Variants in NAP1L2 observed in about 807,000 individuals in gnomAD.
NAP1L2 encodes the protein nucleosome assembly protein 1-like 2.
For missense variants in NAP1L2, 376 were observed against 338.5 expected (o/e 1.11, Z -0.87); for synonymous variants, 165 against 126.0 (o/e 1.31, Z -2.07).
At position 73,213,602 on chromosome X, in the gene NAP1L2, G is replaced by A; in HGVS notation, c.891C>T (p.Phe297=). ...AGGTCTTTGTCAACAACTCATTTTT[G>A]AAATATTCATTGGGTTTGAAGTGAA... The part of the protein sequence containing the change: ...LEFHFKPNEY[F]KNELLTKTYV... The change falls in exon 1 of 1, where the codon TTC becomes TTT. Residue 297 remains phenylalanine (F), a synonymous_variant. Coordinates refer to ENST00000373517, the MANE Select transcript of NAP1L2 (RefSeq NM_021963.4). 8.3e-7 allele frequency: 1 copy of A among 1,211,057 alleles called. No homozygotes were observed. The highest frequency in any genetic ancestry group is 1.1e-6 in the Non-Finnish European group (1 of 895,283).
chrX:73,213,005 A>G lies in NAP1L2; in HGVS notation c.*105T>C. 5 of 777,697 alleles carry G rather than the reference A, an allele frequency of 6.4e-6. No homozygotes were observed. Among genetic ancestry groups the G allele is most frequent in the Non-Finnish European group, 8.9e-6 (5 of 559,656 alleles). The allele number at this position is 777,697 out of a possible 1,213,427, so 64.1% of individuals were successfully genotyped here. On this transcript the variant is annotated 3_prime_UTR_variant, in exon 1 of 1. Coordinates refer to ENST00000373517, the MANE Select transcript of NAP1L2 (RefSeq NM_021963.4). ...TGAACTTTTCTTATATTTTTGAAAC[A>G]TATGTTTTAACTAACACTACAAGAA...
rs2056136822 is a variant in NAP1L2, at chrX:73,212,855, T to C, written c.*255A>G. The C allele has an allele frequency of 3.5e-6, 1 of 282,512 alleles. No homozygotes were observed. Among genetic ancestry groups the C allele is most frequent in the Non-Finnish European group, 6.2e-6 (1 of 161,084 alleles). The allele number at this position is 282,512 out of a possible 1,213,427, so 23.3% of individuals were successfully genotyped here. A position where few individuals can be genotyped will look rare whatever the true frequency, so the allele number is the denominator to read the frequency against. On this transcript the variant is annotated 3_prime_UTR_variant, in exon 1 of 1. Coordinates refer to ENST00000373517, the MANE Select transcript of NAP1L2 (RefSeq NM_021963.4). ...TCATAGCCACAGATTAATAGCTACATGACAAAAAGACTTCAGAAGGATTAA... is the reference window on the plus strand; with the variant it reads ...TCATAGCCACAGATTAATAGCTACACGACAAAAAGACTTCAGAAGGATTAA...
At position 73,213,803 on chromosome X, in the gene NAP1L2, C is replaced by T; in HGVS notation, c.690G>A (p.Glu230=). ...EEDDIEATGE[E]NKEEEDPKGI... is the part of the protein sequence containing the mutation. ...CCTTAGGATCCTCCTCTTCTTTATT[C>T]TCTTCTCCAGTAGCCTCAATGTCGT... is the stretch of plus-strand genomic sequence containing the variant. Residue 230 remains glutamate, a synonymous_variant, in exon 1 of 1, where the codon GAG becomes GAA. Coordinates refer to ENST00000373517, the MANE Select transcript of NAP1L2 (RefSeq NM_021963.4). The T allele has an allele frequency of 8.3e-7, 1 of 1,210,970 alleles. No homozygotes were observed. The highest frequency in any genetic ancestry group is 1.1e-6 in the Non-Finnish European group (1 of 895,354).
In NAP1L2 at chrX:73,212,455, G is replaced by A. The variant is rs991634991; in HGVS notation, c.*655C>T. ...TAATTATGGCTTACACAATTACACA[G>A]AACAATATGTGCAAACTTTTGAAAA... is the stretch of plus-strand genomic sequence containing the variant. On this transcript the variant is annotated 3_prime_UTR_variant, in exon 1 of 1. Transcript: ENST00000373517. 1.8e-5 allele frequency: 2 copies of A among 111,841 alleles called. No homozygotes were observed. Among genetic ancestry groups the A allele is most frequent in the Non-Finnish European group, 3.8e-5 (2 of 53,100 alleles). 9.2% of individuals were successfully genotyped at this position (111,841 alleles called of 1,213,427 possible). A position where few individuals can be genotyped will look rare whatever the true frequency, so the allele number is the denominator to read the frequency against.
chrX:73,213,312 T>C lies in NAP1L2; in HGVS notation c.1181A>G (p.His394Arg), dbSNP rs1275524608. The stretch of plus-strand genomic sequence containing the variant: ...TGGAATTATGTAAGTACGTAAATTG[T>C]GACCAAGTAAAAAATCATCATTTCC... ...RDGNDDFLLG[H>R]NLRTYIIPRS... The change falls in exon 1 of 1, where the codon CAC (histidine) becomes CGC (arginine). Residue 394 changes from histidine (H) to arginine (R), a missense_variant. Coordinates refer to ENST00000373517, the MANE Select transcript of NAP1L2 (RefSeq NM_021963.4). 3.3e-6 allele frequency: 4 copies of C among 1,211,449 alleles called. No individual in the cohort carries two copies. The highest frequency in any genetic ancestry group is 4.5e-6 in the Non-Finnish European group (4 of 894,966).
rs1301257621 is a variant in NAP1L2 at position 73,213,389 on chromosome X, A to T, written c.1104T>A (p.Asp368Glu). 12 of 1,210,277 alleles carry T rather than the reference A, an allele frequency of 9.9e-6. No homozygotes were observed. Among genetic ancestry groups the T allele is most frequent in the Non-Finnish European group, 1.3e-5 (12 of 895,296 alleles). The change falls in exon 1 of 1, where the codon GAT (aspartate) becomes GAA (glutamate). Residue 368 changes from aspartate (D) to glutamate (E), a missense_variant. Transcript: ENST00000373517. Reference protein sequence around the residue: ...IRTVTEDFPKDSFFNFFSPHG... With the variant: ...IRTVTEDFPKESFFNFFSPHG... ...GAGGAGAGAAAAAATTGAAAAATGA[A>T]TCCTTGGGAAAATCTTCAGTTACAG...
In NAP1L2 at chrX:73,214,752, CCG is replaced by C; in HGVS notation, c.-262_-261del. 1 of 333,414 alleles carries C rather than the reference CCG, an allele frequency of 3.0e-6. No homozygotes were observed. The allele number at this position is 333,414 out of a possible 1,213,427, so 27.5% of individuals were successfully genotyped here. On this transcript the variant is annotated 5_prime_UTR_variant, in exon 1 of 1. Coordinates refer to ENST00000373517, the MANE Select transcript of NAP1L2 (RefSeq NM_021963.4). ...CGTTGACCGATCCTGCAGGAGAGAG[CCG>C]GAGACTGCAGAGAGCTGCAGTGGGC...
At position 73,214,625 on chromosome X, in the gene NAP1L2, C is replaced by T. The variant is rs1160397380; in HGVS notation, c.-133G>A. On this transcript the variant is annotated 5_prime_UTR_variant, in exon 1 of 1. Coordinates refer to ENST00000373517, the MANE Select transcript of NAP1L2 (RefSeq NM_021963.4). Reference sequence around the variant, plus strand: ...AGCAGTGGCGTCCGGACTGAGGGAACGACGATCCAGGCTGCTCGGGGATAA... The same window carrying T: ...AGCAGTGGCGTCCGGACTGAGGGAATGACGATCCAGGCTGCTCGGGGATAA... The T allele has an allele frequency of 2.9e-6, 2 of 699,115 alleles. No individual in the cohort carries two copies. The highest frequency in any genetic ancestry group is 4.3e-6 in the Non-Finnish European group (2 of 470,369). The allele number at this position is 699,115 out of a possible 1,213,427, so 57.6% of individuals were successfully genotyped here. A position where few individuals can be genotyped will look rare whatever the true frequency, so the allele number is the denominator to read the frequency against.
Position 73,214,719 on chromosome X carries a change from G to A in NAP1L2, c.-227C>T, listed in dbSNP as rs756741220. 29 of 391,648 alleles carry A rather than the reference G, an allele frequency of 7.4e-5. No homozygotes were observed. The highest frequency in any genetic ancestry group is 1.2e-4 in the Non-Finnish European group (26 of 221,231). The allele number at this position is 391,648 out of a possible 1,213,427, so 32.3% of individuals were successfully genotyped here. On this transcript the variant is annotated 5_prime_UTR_variant, in exon 1 of 1. Coordinates refer to ENST00000373517, the MANE Select transcript of NAP1L2 (RefSeq NM_021963.4). ...ACCTGGGCTGGGTGCAGAGGGCGGC[G>A]ACGGCTGCGTTGACCGATCCTGCAG...
Position 73,213,307 on chromosome X carries a change from A to C in NAP1L2, c.1186T>G (p.Leu396Val). 1 of 1,211,171 alleles carries C rather than the reference A, an allele frequency of 8.3e-7. No homozygotes were observed. Among genetic ancestry groups the C allele is most frequent in the Non-Finnish European group, 1.1e-6 (1 of 894,759 alleles). ...GATCTTGGAATTATGTAAGTACGTA[A>C]ATTGTGACCAAGTAAAAAATCATCA... ...GNDDFLLGHN[L>V]RTYIIPRSVL... The change falls in exon 1 of 1, where the codon TTA becomes GTA. Residue 396 changes from leucine (L) to valine (V), a missense_variant. By Grantham distance (32) the Leu-to-Val change is conservative (BLOSUM62 1). Transcript: ENST00000373517.
chrX:73,214,411 C>T lies in NAP1L2; in HGVS notation c.82G>A (p.Gly28Arg). 3 of 1,211,395 alleles carry T rather than the reference C, an allele frequency of 2.5e-6. No homozygotes were observed. The highest frequency in any genetic ancestry group is 3.5e-5 in the South Asian group (2 of 56,912). Residue 28 changes from glycine (G) to arginine (R), a missense_variant, in exon 1 of 1, where the codon GGG becomes AGG. Gly to Arg is a moderately radical substitution (Grantham distance 125). Transcript: ENST00000373517. The part of the protein sequence containing the change: ...AGNQIMVEGL[G>R]EHLERGEDAA... ...TCTTCACCGCGCTCCAGATGTTCCCCGAGCCCTTCCACCATTATCTGATTA... is the reference window on the plus strand; with the variant it reads ...TCTTCACCGCGCTCCAGATGTTCCCTGAGCCCTTCCACCATTATCTGATTA...
In NAP1L2 at chrX:73,213,479, T is replaced by C; in HGVS notation, c.1014A>G (p.Gly338=). Residue 338 remains glycine (G), a synonymous_variant, in exon 1 of 1, where the codon GGA becomes GGG. Coordinates refer to ENST00000373517, the MANE Select transcript of NAP1L2 (RefSeq NM_021963.4). ...STGCEIDWNE[G]KNVTLKTIKK... ...TGATGGTTTTCAAAGTGACATTCTT[T>C]CCTTCATTCCAATCTATCTCACAGC... The C allele has an allele frequency of 8.3e-7, 1 of 1,211,868 alleles. No homozygotes were observed. Among genetic ancestry groups the C allele is most frequent in the Non-Finnish European group, 1.1e-6 (1 of 895,469 alleles).
chrX:73,214,336 C>T lies in NAP1L2; in HGVS notation c.157G>A (p.Ala53Thr), dbSNP rs759636463. The T allele has an allele frequency of 8.3e-7, 1 of 1,211,253 alleles. No individual in the cohort carries two copies. The highest frequency in any genetic ancestry group is 1.8e-5 in the South Asian group (1 of 56,898). ...DDGKCGEEAA[A>T]GLGEEGENGE... is the part of the protein sequence containing the mutation. Reference sequence around the variant, plus strand: ...TTTTCCCCTTCTTCCCCAAGCCCAGCGGCAGCTTCTTCACCGCACTTCCCA... The same window carrying T: ...TTTTCCCCTTCTTCCCCAAGCCCAGTGGCAGCTTCTTCACCGCACTTCCCA... Residue 53 changes from alanine to threonine, a missense_variant, in exon 1 of 1, where the codon GCT (alanine) becomes ACT (threonine). Transcript: ENST00000373517.
rs2056149198 is a variant in NAP1L2, at chrX:73,214,647, A to G, written c.-155T>C. 1.7e-6 allele frequency: 1 copy of G among 590,256 alleles called. No individual in the cohort carries two copies. The highest frequency in any genetic ancestry group is 2.6e-6 in the Non-Finnish European group (1 of 379,962). 48.6% of individuals were successfully genotyped at this position (590,256 alleles called of 1,213,427 possible). A position where few individuals can be genotyped will look rare whatever the true frequency, so the allele number is the denominator to read the frequency against. On this transcript the variant is annotated 5_prime_UTR_variant, in exon 1 of 1. Transcript: ENST00000373517. ...GAACGACGATCCAGGCTGCTCGGGG[A>G]TAAAAGATGGTGCTGAGGCTTTGAG...
chrX:73,214,344 T>A lies in NAP1L2; in HGVS notation c.149A>T (p.Glu50Val). Residue 50 changes from glutamate to valine, a missense_variant, in exon 1 of 1, where the codon GAA becomes GTA. Physicochemically the swap from Glu to Val is moderately radical, Grantham distance 121. Coordinates refer to ENST00000373517, the MANE Select transcript of NAP1L2 (RefSeq NM_021963.4). Reference protein sequence around the residue: ...GLGDDGKCGEEAAAGLGEEGE... With the variant: ...GLGDDGKCGEVAAAGLGEEGE... Reference sequence around the variant, plus strand: ...TTCTTCCCCAAGCCCAGCGGCAGCTTCTTCACCGCACTTCCCATCGTCTCC... The same window carrying A: ...TTCTTCCCCAAGCCCAGCGGCAGCTACTTCACCGCACTTCCCATCGTCTCC... 2.5e-6 allele frequency: 3 copies of A among 1,210,737 alleles called. No individual in the cohort carries two copies. Among genetic ancestry groups the A allele is most frequent in the Non-Finnish European group, 3.4e-6 (3 of 895,244 alleles).
Position 73,212,925 on chromosome X carries a change from T to C in NAP1L2, c.*185A>G. 9.2e-6 allele frequency: 4 copies of C among 433,649 alleles called. No individual in the cohort carries two copies. The highest frequency in any genetic ancestry group is 1.0e-4 in the South Asian group (2 of 19,957). The allele number at this position is 433,649 out of a possible 1,213,427, so 35.7% of individuals were successfully genotyped here. A position where few individuals can be genotyped will look rare whatever the true frequency, so the allele number is the denominator to read the frequency against. On this transcript the variant is annotated 3_prime_UTR_variant, in exon 1 of 1. Coordinates refer to ENST00000373517, the MANE Select transcript of NAP1L2 (RefSeq NM_021963.4). ...GTGTTTTAAATCATTTACCACAGTG[T>C]ACATTTCTTGAAAACATTCTACTAC...
Position 73,214,154 on chromosome X carries a change from T to C in NAP1L2, c.339A>G (p.Leu113=). The part of the protein sequence containing the change: ...SLPVKVKYRV[L]ALKKLQTRAA... ...CTCTAGTTTGAAGCTTTTTAAGGGC[T>C]AACACACGGTACTTAACTTTCACAG... Residue 113 remains leucine, a synonymous_variant, in exon 1 of 1, where the codon TTA becomes TTG. Transcript: ENST00000373517. 3 of 1,211,609 alleles carry C rather than the reference T, an allele frequency of 2.5e-6. No individual in the cohort carries two copies. Among genetic ancestry groups the C allele is most frequent in the South Asian group, 1.8e-5 (1 of 56,955 alleles).
In NAP1L2 at chrX:73,213,002, A is replaced by C. The variant is rs191211287; in HGVS notation, c.*108T>G. On this transcript the variant is annotated 3_prime_UTR_variant, in exon 1 of 1. Transcript: ENST00000373517. Reference sequence around the variant, plus strand: ...TTTTGAACTTTTCTTATATTTTTGAAACATATGTTTTAACTAACACTACAA... The same window carrying C: ...TTTTGAACTTTTCTTATATTTTTGACACATATGTTTTAACTAACACTACAA... 1,110 of 757,340 alleles carry C rather than the reference A, an allele frequency of 1.5e-3. 16 individuals carry two copies. The African/African-American group carries it at 0.021, about 15-fold the overall frequency. The allele number at this position is 757,340 out of a possible 1,213,427, so 62.4% of individuals were successfully genotyped here.
chrX:73,214,301 A>G lies in NAP1L2; in HGVS notation c.192T>C (p.Asp64=), dbSNP rs2056146799. The change falls in exon 1 of 1, where the codon GAT becomes GAC. Residue 64 remains aspartate (D), a synonymous_variant. Transcript: ENST00000373517. ...GLGEEGENGE[D]TAAGSGEDGK... ...CATCTTCCCCGGACCCAGCAGCAGT[A>G]TCTTCACCGTTTTCCCCTTCTTCCC... 1 of 1,210,776 alleles carries G rather than the reference A, an allele frequency of 8.3e-7. No individual in the cohort carries two copies. The highest frequency in any genetic ancestry group is 1.1e-6 in the Non-Finnish European group (1 of 895,303).
Sources: gnomAD v4.1 joint callset for allele counts on GRCh38, gnomAD v4.1.1 for gene constraint, MANE v1.5 for transcripts, NCBI Gene and HGNC (gene_info 2026-07-23, HGNC 2026-07-21) for gene names.